CAPN9: variants seen among roughly 807,000 people sequenced by gnomAD.
CAPN9 encodes the protein calpain-9.
In CAPN9, 81 loss-of-function variants were observed where a neutral mutation model predicts 92.8. The observed-to-expected ratio is 0.87, with a 90% CI of 0.73 to 1.05. The LOEUF (loss-of-function observed/expected upper bound fraction) is 1.05. Ranked by LOEUF, CAPN9 falls within the 50% of genes least tolerant of loss-of-function variation. CAPN9 has a pLI of 0.00. For synonymous variants in CAPN9, 304 were observed against 328.0 expected (o/e 0.93, Z 0.79); for missense variants, 848 against 866.2 (o/e 0.98, Z 0.26).
chr1:230,767,788 AC>A, intron 5 of CAPN9, 79 bp downstream of exon 5: 1 of 1,354,798 alleles, frequency 7.4e-7, no homozygotes, highest in Non-Finnish European at 1.0e-6. Flanking sequence ...CTGGGGCTGT[AC>A]CAGGTACCCC....
At chr1:230,749,906 A>G (rs1049060124) in intron 1 of CAPN9, among the ~76,000 whole-genome samples, 1 of 152,120 alleles carries the variant, frequency 6.6e-6, no homozygotes, top group Non-Finnish European at 1.5e-5. Flanking sequence ...GACATCATCT[A>G]GTTTAAAGTG....
chr1:230,765,749 T>C (rs1007841801), intron 4 of CAPN9, among the ~76,000 whole-genome samples: 8 of 152,148 alleles, frequency 5.3e-5, no homozygotes, highest in Non-Finnish European at 8.8e-5. Context: ...GAATAAATGA[T>C]TGTATAAATA....
intron 2 of CAPN9, among the ~76,000 whole-genome samples, chr1:230,756,821 AG>A (rs1467542158): frequency 6.6e-6 from 1 of 152,144 alleles, no homozygotes; most frequent in Non-Finnish European, 1.5e-5. Flanking sequence ...GCATGACCAT[AG>A]TTCCAGCTAC....
intron 2 of CAPN9, among the ~76,000 whole-genome samples, chr1:230,756,920 C>T (rs1455851033): frequency 2.1e-5 from 3 of 145,506 alleles, no homozygotes; most frequent in Admixed American, 7.0e-5. Context: ...CCAGCCTGGA[C>T]AACAGAGTAA....
At chr1:230,786,754 A>G (rs1303043475) in intron 12 of CAPN9, among the ~76,000 whole-genome samples, 1 of 140,814 alleles carries the variant, frequency 7.1e-6, no homozygotes, top group African/African-American at 2.7e-5. Flanking sequence ...TGAAGTGGGT[A>G]GACTTTTAAT....
At chr1:230,779,787 C>T (rs1298239137) in intron 9 of CAPN9, among the ~76,000 whole-genome samples, 1 of 152,078 alleles carries the variant, frequency 6.6e-6, no homozygotes, top group Non-Finnish European at 1.5e-5. Flanking sequence ...ACTCAAACGG[C>T]CCACCATCAA....
At chr1:230,786,869 G>A (rs1300771762) in intron 12 of CAPN9, among the ~76,000 whole-genome samples, 1 of 152,144 alleles carries the variant, frequency 6.6e-6, no homozygotes, top group East Asian at 1.9e-4. Context: ...ATGTTATGTG[G>A]TGTGGAAGGG....
chr1:230,769,126 C>T, intron 5 of CAPN9, 54 bp from the exon 6 acceptor site: 2 of 1,416,584 alleles, frequency 1.4e-6, no homozygotes, highest in East Asian at 4.6e-5. Context: ...TCTGATCCAG[C>T]AGGGGAGGCT....
At chr1:230,769,394 G>C in intron 6 of CAPN9, 131 bp downstream of exon 6, 1 of 657,384 alleles carries the variant, frequency 1.5e-6, no homozygotes, top group East Asian at 2.9e-5. Context: ...GTCACCTAAA[G>C]AGGCAGGCTG....
At chr1:230,748,700 T>A (rs1384689597) in intron 1 of CAPN9, among the ~76,000 whole-genome samples, 3 of 152,120 alleles carry the variant, frequency 2.0e-5, no homozygotes, top group African/African-American at 7.3e-5. Context: ...ACTATTATTA[T>A]CATCATTACA....
At chr1:230,774,739 CTT>C (rs747512464) in intron 8 of CAPN9, 108 bp downstream of exon 8, 56,410 of 370,700 alleles carry the variant, frequency 0.15, 597 homozygotes, top group South Asian at 0.25. Flanking sequence ...TTCTTTCTTT[CTT>C]TTTTTTTTTT....
chr1:230,785,218 GACTTGCC>G (rs1667503290), intron 11 of CAPN9, among the ~76,000 whole-genome samples: 1 of 152,242 alleles, frequency 6.6e-6, no homozygotes, highest in Admixed American at 6.5e-5. Flanking sequence ...TAGGTGATGG[GACTTGCC>G]TTATCTCAGA....
chr1:230,801,557 T>A lies in CAPN9; in HGVS notation c.2047-13T>A. On this transcript the variant is annotated splice_polypyrimidine_tract_variant and intron_variant, in intron 19 of 19. Coordinates refer to ENST00000271971, the MANE Select transcript of CAPN9 (RefSeq NM_006615.3). ...AGGACAACGACCCCTCATCTCTCTC[T>A]CTCTCTTCCCAGTTCATCCATTTGA... is the stretch of plus-strand genomic sequence containing the variant. The A allele has an allele frequency of 1.9e-6, 3 of 1,613,858 alleles. No individual in the cohort carries two copies. Among genetic ancestry groups the A allele is most frequent in the African/African-American group, 1.3e-5 (1 of 75,034 alleles).
chr1:230,793,275 G>T (rs1199971831), intron 17 of CAPN9, among the ~76,000 whole-genome samples: 1 of 152,218 alleles, frequency 6.6e-6, no homozygotes, highest in African/African-American at 2.4e-5. Context: ...AAGCTGCAGT[G>T]ATTCCAAACT....
intron 14 of CAPN9, 70 bp downstream of exon 14, chr1:230,790,259 C>CT: frequency 6.4e-7 from 1 of 1,571,336 alleles, no homozygotes; most frequent in Non-Finnish European, 8.6e-7. Context: ...CCTGGGTCCC[C>CT]TCCCTGCTCC....
chr1:230,756,990 G>GAGGA (rs879301666), intron 2 of CAPN9, among the ~76,000 whole-genome samples: 7 of 52,702 alleles, frequency 1.3e-4, no homozygotes, highest in Non-Finnish European at 2.5e-4. Context: ...GGGAGAGAGG[G>GAGGA]AGGAAGGGAG....
At chr1:230,801,515 G>C in intron 19 of CAPN9, 55 bp from the exon 20 acceptor site, 1 of 1,583,610 alleles carries the variant, frequency 6.3e-7, no homozygotes, top group Non-Finnish European at 8.7e-7. Context: ...TGAGGCTGAG[G>C]CTGGAAGGGA....
At chr1:230,793,364 C>T (rs1668136876) in intron 17 of CAPN9, among the ~76,000 whole-genome samples, 1 of 152,202 alleles carries the variant, frequency 6.6e-6, no homozygotes, top group African/African-American at 2.4e-5. Context: ...TCCGCACGTC[C>T]CTCTGCCACC....
intron 8 of CAPN9, 125 bp from the exon 9 acceptor site, chr1:230,778,848 C>T (rs1667008527): frequency 4.8e-6 from 4 of 839,700 alleles, no homozygotes; most frequent in Admixed American, 2.8e-5. Flanking sequence ...CTTTGCAGTC[C>T]CCCCACTCCT....
Sources: gnomAD v4.1 joint callset for allele counts (sites outside exome capture counted in the v4.1 genomes callset) on GRCh38, gnomAD v4.1.1 for gene constraint, MANE v1.5 for transcripts, NCBI Gene and HGNC (gene_info 2026-07-23, HGNC 2026-07-21) for gene names.